Variants in AGBL4 observed in about 807,000 individuals in gnomAD.
AGBL4 encodes the protein cytosolic carboxypeptidase 6.
AGBL4 carries 58 observed loss-of-function variants against 66.4 expected under a neutral mutation model. The observed-to-expected ratio is 0.87, with a 90% CI of 0.71 to 1.09. AGBL4 has a LOEUF of 1.09. Among genes scored for constraint, AGBL4 ranks in the 50% least tolerant of loss-of-function variants. The pLI is 0.00. For synonymous variants in AGBL4, 234 were observed against 222.9 expected (o/e 1.05, Z -0.44); for missense variants, 579 against 631.0 (o/e 0.92, Z 0.88).
chr1:49,398,333 T>TTCTCTCTCTCTCTCTCTCTCTC (rs36025670), intron 3 of AGBL4, among the ~76,000 whole-genome samples: 3 of 143,708 alleles, frequency 2.1e-5, no homozygotes, highest in Admixed American at 1.4e-4. Flanking sequence ...CTCTCTCTCT[T>TTCTCTCTCTCTCTCTCTCTCTC]TCTCTCTCTC....
chr1:48,563,140 C>T (rs1423953024), intron 11 of AGBL4, among the ~76,000 whole-genome samples: 1 of 152,210 alleles, frequency 6.6e-6, no homozygotes, highest in Non-Finnish European at 1.5e-5. Flanking sequence ...AGCCAGGCTG[C>T]TGCCAAGTTC....
intron 4 of AGBL4, among the ~76,000 whole-genome samples, chr1:49,129,526 A>G (rs1374707577): frequency 6.9e-6 from 1 of 145,934 alleles, no homozygotes; most frequent in Non-Finnish European, 1.5e-5. Flanking sequence ...ATGTGTTCTC[A>G]TTGTTCAATT....
At chr1:49,842,294 C>T in intron 2 of AGBL4, 1 of 475,836 alleles carries the variant, frequency 2.1e-6, no homozygotes, top group South Asian at 1.8e-5. Flanking sequence ...CTCTGTAGGA[C>T]ATTGGTTACC....
intron 2 of AGBL4, among the ~76,000 whole-genome samples, chr1:49,775,115 C>T (rs773799150): frequency 6.6e-6 from 1 of 151,956 alleles, no homozygotes; most frequent in Non-Finnish European, 1.5e-5. Context: ...GAGAGAAAAA[C>T]AGCTTCAAAA....
chr1:49,419,996 C>A (rs1645508760), intron 3 of AGBL4, among the ~76,000 whole-genome samples: 1 of 152,122 alleles, frequency 6.6e-6, no homozygotes, highest in African/African-American at 2.4e-5. Context: ...GTTTAAAGAA[C>A]CAGGATCTGT....
chr1:49,734,928 A>G (rs1381632829), intron 2 of AGBL4, among the ~76,000 whole-genome samples: 1 of 152,186 alleles, frequency 6.6e-6, no homozygotes, highest in African/African-American at 2.4e-5. Flanking sequence ...CATATAGATC[A>G]ATAGAACATA....
At chr1:49,617,181 A>G in intron 3 of AGBL4, among the ~76,000 whole-genome samples, 1 of 152,072 alleles carries the variant, frequency 6.6e-6, no homozygotes, top group African/African-American at 2.4e-5. Flanking sequence ...TGTTTCAGCT[A>G]TACTGCCCTC....
chr1:49,012,126 GGCAGATTACAGGGAA>G (rs1311482902), intron 5 of AGBL4, among the ~76,000 whole-genome samples: 1 of 152,058 alleles, frequency 6.6e-6, no homozygotes, highest in Non-Finnish European at 1.5e-5. Flanking sequence ...GTGAAAAGCA[GGCAGATTACAGGGAA>G]GCCTGTGACT....
intron 2 of AGBL4, among the ~76,000 whole-genome samples, chr1:49,786,111 A>T (rs1374879116): frequency 6.6e-6 from 1 of 152,006 alleles, no homozygotes. Context: ...AAGAATAGCA[A>T]AATACAAATA....
intron 1 of AGBL4, among the ~76,000 whole-genome samples, chr1:49,857,928 T>G (rs187175388): frequency 6.6e-6 from 1 of 151,958 alleles, no homozygotes; most frequent in African/African-American, 2.4e-5. Flanking sequence ...GATTAGACAA[T>G]CTTTAGAATA....
intron 2 of AGBL4, chr1:49,842,222 C>T: frequency 2.3e-6 from 1 of 434,254 alleles, no homozygotes; most frequent in Non-Finnish European, 4.5e-6. Flanking sequence ...GTGGAGGCAG[C>T]TGGAGCCTGC....
intron 2 of AGBL4, among the ~76,000 whole-genome samples, chr1:49,704,684 G>T (rs541753686): frequency 7.2e-5 from 11 of 152,154 alleles, no homozygotes; most frequent in Admixed American, 1.3e-4. Flanking sequence ...ATTAAATAGG[G>T]AATCCTTTCC....
intron 2 of AGBL4, among the ~76,000 whole-genome samples, chr1:49,772,392 T>G (rs906946801): frequency 1.3e-5 from 2 of 152,174 alleles, no homozygotes; most frequent in Non-Finnish European, 2.9e-5. Context: ...CATTAGAGGT[T>G]TGAAGGATTT....
At chr1:49,263,990 A>T (rs1382811801) in intron 3 of AGBL4, among the ~76,000 whole-genome samples, 4 of 152,162 alleles carry the variant, frequency 2.6e-5, no homozygotes, top group Non-Finnish European at 4.4e-5. Context: ...ACATAGAGAA[A>T]CTTCCAAAAA....
intron 3 of AGBL4, among the ~76,000 whole-genome samples, chr1:49,320,090 C>A (rs563701210): frequency 6.6e-6 from 1 of 152,068 alleles, no homozygotes; most frequent in Non-Finnish European, 1.5e-5. Flanking sequence ...TACCACTACA[C>A]CTGGTTGATT....
intron 3 of AGBL4, among the ~76,000 whole-genome samples, chr1:49,675,384 T>C (rs1018196396): frequency 2.0e-5 from 3 of 151,784 alleles, no homozygotes; most frequent in African/African-American, 7.3e-5. Flanking sequence ...CACATGAACA[T>C]ACAGAGGGAA....
intron 3 of AGBL4, among the ~76,000 whole-genome samples, chr1:49,614,465 T>C (rs1377709624): frequency 6.6e-6 from 1 of 152,154 alleles, no homozygotes; most frequent in African/African-American, 2.4e-5. Context: ...TTTATAGCCA[T>C]TTGAATAATT....
chr1:49,701,763 G>T (rs1254603988), intron 2 of AGBL4, among the ~76,000 whole-genome samples: 1 of 151,810 alleles, frequency 6.6e-6, no homozygotes, highest in African/African-American at 2.4e-5. Context: ...AAAGAGAAAG[G>T]ACTCTAATTT....
chr1:49,912,092 G>A (rs1450059999), intron 1 of AGBL4, among the ~76,000 whole-genome samples: 1 of 152,186 alleles, frequency 6.6e-6, no homozygotes, highest in South Asian at 2.1e-4. Context: ...TACAACACAT[G>A]TATCTGTATG....
Sources: gnomAD v4.1 joint callset for allele counts (sites outside exome capture counted in the v4.1 genomes callset) on GRCh38, gnomAD v4.1.1 for gene constraint, MANE v1.5 for transcripts, NCBI Gene and HGNC (gene_info 2026-07-23, HGNC 2026-07-21) for gene names.